GPR107: variants seen among roughly 807,000 people sequenced by gnomAD.
GPR107 encodes the protein protein GPR107.
In GPR107, 31 loss-of-function variants were observed where a neutral mutation model predicts 75.5. The observed-to-expected ratio is 0.41, with a 90% CI of 0.31 to 0.55. The LOEUF (loss-of-function observed/expected upper bound fraction) is 0.55, where lower values mean the gene tolerates loss of function less well. GPR107 is among the 20% of genes least tolerant of loss of function. GPR107 has a pLI of 0.26. For synonymous variants in GPR107, 267 were observed against 251.3 expected (o/e 1.06, Z -0.59); for missense variants, 572 against 665.7 (o/e 0.86, Z 1.55).
intron 1 of GPR107, among the ~76,000 whole-genome samples, chr9:130,064,691 G>C (rs1830027544): frequency 6.6e-6 from 1 of 152,170 alleles, no homozygotes; most frequent in Non-Finnish European, 1.5e-5. Context: ...ATTTGGAATA[G>C]TGTCTTTGCA....
rs1352847306 is a variant in GPR107, at chr9:130,130,888, A to AC, written c.1562+2127_1562+2128insC. 3.0e-3 allele frequency among the ~76,000 whole-genome samples: 455 copies of AC among 151,190 alleles called. 6 individuals are homozygous for AC. The highest frequency in any genetic ancestry group is 0.01 in the African/African-American group (418 of 41,202). On this transcript the variant is annotated intron_variant, in intron 17 of 17. Coordinates refer to ENST00000347136, the MANE Select transcript of GPR107 (RefSeq NM_020960.5). ...TCCGTCTCAAAAAAGAAAAAAAAAA[A>AC]AAAAACGCATGAATCCGTGGACCAC...
At chr9:130,069,057 T>C (rs1830135665) in intron 1 of GPR107, among the ~76,000 whole-genome samples, 2 of 152,132 alleles carry the variant, frequency 1.3e-5, no homozygotes, top group Admixed American at 1.3e-4. Context: ...ATACTTTTTA[T>C]TTGGTTGTAA....
At chr9:130,109,563 TTTTC>T (rs71499214) in intron 14 of GPR107, among the ~76,000 whole-genome samples, 70,868 of 135,822 alleles carry the variant, frequency 0.52, 15,912 homozygotes, top group East Asian at 0.7. Flanking sequence ...CAGGTAGTCT[TTTTC>T]TTTCTTTTTT....
intron 4 of GPR107, among the ~76,000 whole-genome samples, chr9:130,077,660 T>C (rs1202571462): frequency 6.6e-6 from 1 of 152,152 alleles, no homozygotes; most frequent in East Asian, 1.9e-4. Flanking sequence ...AGCTTTCTAG[T>C]GAGTAGCCTT....
Position 130,054,076 on chromosome 9 carries a change from A to C in GPR107, c.141+3A>C. On this transcript the variant is annotated splice_donor_region_variant and intron_variant, in intron 1 of 17. Transcript: ENST00000347136. ...GCGTCCATCACCTGGCACTCAAGGTAAAGCTTGGCAAGGCCGGGCCGGGGG... is the reference window on the plus strand; with the variant it reads ...GCGTCCATCACCTGGCACTCAAGGTCAAGCTTGGCAAGGCCGGGCCGGGGG... The C allele has an allele frequency of 6.5e-7, 1 of 1,542,054 alleles. No homozygotes were observed. Among genetic ancestry groups the C allele is most frequent in the Non-Finnish European group, 8.8e-7 (1 of 1,142,524 alleles).
At chr9:130,097,166 T>C (rs1830895793) in intron 9 of GPR107, among the ~76,000 whole-genome samples, 1 of 148,134 alleles carries the variant, frequency 6.8e-6, no homozygotes, top group Non-Finnish European at 1.5e-5. Context: ...TTTTTTTTTT[T>C]TTTTTTGAGA....
intron 1 of GPR107, among the ~76,000 whole-genome samples, chr9:130,065,924 C>T (rs1830057937): frequency 2.0e-5 from 3 of 152,094 alleles, no homozygotes; most frequent in African/African-American, 4.8e-5. Context: ...TGCAGCCTCA[C>T]TTTACATACT....
chr9:130,110,393 C>G, intron 14 of GPR107: 1 of 1,539,382 alleles, frequency 6.5e-7, no homozygotes, highest in South Asian at 1.2e-5. Context: ...ACCTCTTCAG[C>G]AGAGAGCGAA....
At chr9:130,130,958 AAC>A (rs1159898956) in intron 17 of GPR107, among the ~76,000 whole-genome samples, 1 of 151,550 alleles carries the variant, frequency 6.6e-6, no homozygotes, top group Non-Finnish European at 1.5e-5. Flanking sequence ...TGGCAGAAGG[AAC>A]CTGTGTCCCA....
chr9:130,110,035 C>T lies in GPR107; in HGVS notation c.1306+2496C>T, dbSNP rs1271188314. Among the ~76,000 whole-genome samples, 4 of 152,264 alleles carry T rather than the reference C, an allele frequency of 2.6e-5. 1 individual carries two copies. The South Asian group carries it at 6.2e-4, about 24-fold the overall frequency. On this transcript the variant is annotated intron_variant, in intron 14 of 17. Coordinates refer to ENST00000347136, the MANE Select transcript of GPR107 (RefSeq NM_020960.5). ...GCTTACCTGTGTGTTTCTCTTTGCTCGATCCTGCCCGTTGATGAATTCCTC... is the reference window on the plus strand; with the variant it reads ...GCTTACCTGTGTGTTTCTCTTTGCTTGATCCTGCCCGTTGATGAATTCCTC...
intron 1 of GPR107, among the ~76,000 whole-genome samples, chr9:130,055,015 T>C (rs1346544993): frequency 1.3e-5 from 2 of 152,084 alleles, no homozygotes; most frequent in Admixed American, 1.3e-4. Context: ...CCTAGGAGGT[T>C]GAGACTGCAG....
At chr9:130,063,844 A>C (rs1589481054) in intron 1 of GPR107, among the ~76,000 whole-genome samples, 1 of 138,740 alleles carries the variant, frequency 7.2e-6, no homozygotes, top group African/African-American at 2.7e-5. Flanking sequence ...ATACTCTGTC[A>C]CCCAGGCTGG....
intron 1 of GPR107, among the ~76,000 whole-genome samples, chr9:130,071,040 T>TTC (rs1554891209): frequency 5.7e-5 from 8 of 141,378 alleles, no homozygotes; most frequent in South Asian, 2.4e-4. Flanking sequence ...TTTTTCTTTT[T>TTC]TTTTTTTTTT....
At chr9:130,061,139 G>A (rs530713205) in intron 1 of GPR107, among the ~76,000 whole-genome samples, 1 of 152,162 alleles carries the variant, frequency 6.6e-6, no homozygotes, top group Non-Finnish European at 1.5e-5. Flanking sequence ...TTTATATACC[G>A]GGTGGGCACT....
rs1215529068 is a variant in GPR107, at chr9:130,128,650, A to G, written c.1451A>G (p.Glu484Gly). The change falls in exon 17 of 18, where the codon GAA (glutamate) becomes GGA (glycine). Residue 484 changes from glutamate to glycine, a missense_variant. Glu to Gly is a moderately conservative substitution (Grantham distance 98). Transcript: ENST00000347136. ...QWKWLYQLLD[E>G]TATLVFFVLT... The stretch of plus-strand genomic sequence containing the variant: ...TTTTTAAACTTGCAGCTCCTGGATG[A>G]AACGGCCACACTGGTCTTCTTTGTT... The G allele has an allele frequency of 6.2e-7, 1 of 1,612,172 alleles. No individual in the cohort carries two copies. The highest frequency in any genetic ancestry group is 1.1e-5 in the South Asian group (1 of 91,040).
chr9:130,132,378 A>C (rs1831848165), intron 17 of GPR107, among the ~76,000 whole-genome samples: 1 of 152,238 alleles, frequency 6.6e-6, no homozygotes, highest in Non-Finnish European at 1.5e-5. Flanking sequence ...AGTAGGAATC[A>C]AGGCCATCCT....
At position 130,136,959 on chromosome 9, in the gene GPR107, G is replaced by A. The variant is rs188671866; in HGVS notation, c.*1838G>A. On this transcript the variant is annotated 3_prime_UTR_variant, in exon 18 of 18. Transcript: ENST00000347136. ...TTTTCAAGTTCACTTGGGACTGTGT[G>A]ACAGAAGGGAGTTGGAGGGAGGATG... The A allele has an allele frequency of 3.3e-5, 5 of 152,360 alleles. No homozygotes were observed. Among genetic ancestry groups the A allele is most frequent in the Admixed American group, 3.3e-4 (5 of 15,308 alleles). The allele number at this position is 152,360 out of a possible 1,614,324, so 9.4% of individuals were successfully genotyped here. A position where few individuals can be genotyped will look rare whatever the true frequency, so the allele number is the denominator to read the frequency against.
In GPR107 at chr9:130,103,353, A is replaced by G. The variant is rs1202965419; in HGVS notation, c.1132-1067A>G. ...CAAAGTGTGGAGGATTACCTTTTAC[A>G]GCAAGTCAGGCAGAGATTTGGGACC... On this transcript the variant is annotated intron_variant, in intron 12 of 17. Coordinates refer to ENST00000347136, the MANE Select transcript of GPR107 (RefSeq NM_020960.5). The surrounding 1 kb of genome is among the most constrained non-coding windows in gnomAD (Gnocchi z 4.3). Among the ~76,000 whole-genome samples the G allele has an allele frequency of 6.6e-6, 1 of 152,210 alleles. No individual in the cohort carries two copies. Among genetic ancestry groups the G allele is most frequent in the African/African-American group, 2.4e-5 (1 of 41,448 alleles).
At chr9:130,056,595 A>C (rs1829796206) in intron 1 of GPR107, among the ~76,000 whole-genome samples, 2 of 152,124 alleles carry the variant, frequency 1.3e-5, no homozygotes, top group Admixed American at 6.6e-5. Flanking sequence ...GATAAGCTTT[A>C]AAAAATTGCA....
Sources: allele counts gnomAD v4.1 joint callset (sites outside exome capture counted in the v4.1 genomes callset), GRCh38; gene constraint gnomAD v4.1.1; non-coding constraint Gnocchi (gnomAD v3.1); transcripts MANE v1.5; gene names NCBI Gene and HGNC (gene_info 2026-07-23, HGNC 2026-07-21).